The following CCDC175 variants were observed in gnomAD, a reference collection of about 807,000 sequenced individuals.
CCDC175 encodes the protein coiled-coil domain containing 175, also known as coiled-coil domain-containing protein 175.
In CCDC175, 100 loss-of-function variants were observed where a neutral mutation model predicts 114.6. The ratio of observed to expected loss-of-function variants is 0.87; its 90% CI spans 0.74 to 1.03. The LOEUF (loss-of-function observed/expected upper bound fraction) is 1.03, where lower values mean the gene tolerates loss of function less well. Ranked by LOEUF, CCDC175 falls within the 50% of genes least tolerant of loss-of-function variation. CCDC175 has a pLI of 0.00. For synonymous variants in CCDC175, 306 were observed against 308.7 expected, an observed-to-expected ratio of 0.99 and a Z score of 0.09; for missense variants, 880 against 917.8, an observed-to-expected ratio of 0.96 and a Z score of 0.53.
chr14:59,576,787 A>G lies in CCDC175; in HGVS notation c.-12T>C, dbSNP rs1309048906. ...GGGCTCAGGGCCATTTTGCCGCTCT[A>G]CTTGAGCGCCTCCTAAGCCAGAGCC... On this transcript the variant is annotated 5_prime_UTR_variant, in exon 1 of 20. Transcript: ENST00000537690. 2.8e-6 allele frequency: 4 copies of G among 1,428,174 alleles called. No individual in the cohort carries two copies. Among genetic ancestry groups the G allele is most frequent in the East Asian group, 3.0e-5 (1 of 33,578 alleles). The allele number at this position is 1,428,174 out of a possible 1,614,324, so 88.5% of individuals were successfully genotyped here.
At chr14:59,519,901 C>A (rs770325477) in intron 17 of CCDC175, among the ~76,000 whole-genome samples, 23 of 152,194 alleles carry the variant, frequency 1.5e-4, no homozygotes, top group African/African-American at 3.4e-4. Flanking sequence ...CATGGAGAGG[C>A]CATGAGGAGG....
chr14:59,574,901 T>C (rs1391190315), intron 2 of CCDC175, 42 bp downstream of exon 2: 8 of 1,046,718 alleles, frequency 7.6e-6, no homozygotes, highest in African/African-American at 1.6e-5. Context: ...TGAAGAAATA[T>C]GTGGAAGATT....
chr14:59,506,275 A>ATTTTTTTTTTTTTT (rs35322741), intron 19 of CCDC175, among the ~76,000 whole-genome samples: 4 of 136,030 alleles, frequency 2.9e-5, no homozygotes, highest in South Asian at 2.3e-4. Flanking sequence ...GAGCACAGGG[A>ATTTTTTTTTTTTTT]TTTTTTTTTT....
At chr14:59,566,265 A>G (rs1276231321) in intron 4 of CCDC175, among the ~76,000 whole-genome samples, 2 of 152,190 alleles carry the variant, frequency 1.3e-5, no homozygotes, top group African/African-American at 2.4e-5. Context: ...GATTTTGTCT[A>G]CCCAGAGGCT....
At chr14:59,538,925 A>T (rs1894582845) in intron 11 of CCDC175, 85 bp from the exon 12 acceptor site, 1 of 1,245,338 alleles carries the variant, frequency 8.0e-7, no homozygotes, top group Non-Finnish European at 1.1e-6. Flanking sequence ...AAAACAAGTC[A>T]TACTATGACT....
At chr14:59,531,666 G>T in intron 14 of CCDC175, 106 bp downstream of exon 14, 2 of 757,800 alleles carry the variant, frequency 2.6e-6, no homozygotes, top group Non-Finnish European at 4.0e-6. Flanking sequence ...GGGAAAGTTT[G>T]GTGAGTTTCA....
At chr14:59,548,231 C>A (rs549820100) in intron 8 of CCDC175, among the ~76,000 whole-genome samples, 2 of 151,684 alleles carry the variant, frequency 1.3e-5, no homozygotes, top group African/African-American at 4.8e-5. Context: ...CCCAATTATA[C>A]GCAAAATCTA....
intron 17 of CCDC175, among the ~76,000 whole-genome samples, chr14:59,521,184 T>C (rs1264275893): frequency 1.3e-5 from 2 of 152,206 alleles, no homozygotes; most frequent in Non-Finnish European, 2.9e-5. Context: ...AACCGTCTAA[T>C]CAGCTGCCAG....
chr14:59,530,678 C>T (rs1894018319), intron 14 of CCDC175, among the ~76,000 whole-genome samples: 1 of 151,988 alleles, frequency 6.6e-6, no homozygotes, highest in African/African-American at 2.4e-5. Context: ...AAAAATCCAC[C>T]CTCCTTGGCA....
chr14:59,556,882 C>A lies in CCDC175; in HGVS notation c.953+4237G>T, dbSNP rs942765867. Among the ~76,000 whole-genome samples, 26 of 152,142 alleles carry A rather than the reference C, an allele frequency of 1.7e-4. No individual in the cohort carries two copies. The South Asian group carries it at 3.1e-3, about 18-fold the overall frequency. On this transcript the variant is annotated intron_variant, in intron 7 of 19. Coordinates refer to ENST00000537690, the MANE Select transcript of CCDC175 (RefSeq NM_001164399.2). ...ATGAAAAAATGCTCATCATCACTGG[C>A]CATCAGAGAAATGCAAATCAAAACC... is the stretch of plus-strand genomic sequence containing the variant.
At position 59,551,492 on chromosome 14, in the gene CCDC175, G is replaced by C. The variant is rs140166107; in HGVS notation, c.954-56C>G. Reference sequence around the variant, plus strand: ...ATAAGAACATACTTTTGAATTCTAAGGCAAGGTGGCCAAATAGGAACAGCT... The same window carrying C: ...ATAAGAACATACTTTTGAATTCTAACGCAAGGTGGCCAAATAGGAACAGCT... On this transcript the variant is annotated intron_variant, in intron 7 of 19. Transcript: ENST00000537690. 3.7e-4 allele frequency: 323 copies of C among 874,476 alleles called. 7 individuals carry two copies. In the East Asian group the frequency reaches 8.9e-3, roughly 24 times the overall value. The allele number at this position is 874,476 out of a possible 1,614,324, so 54.2% of individuals were successfully genotyped here.
intron 6 of CCDC175, among the ~76,000 whole-genome samples, chr14:59,561,631 C>T (rs1415931795): frequency 1.3e-5 from 2 of 152,094 alleles, no homozygotes; most frequent in Non-Finnish European, 2.9e-5. Context: ...GGTCTTTTGT[C>T]TCCCTTGATA....
At chr14:59,554,621 A>T (rs1895750733) in intron 7 of CCDC175, among the ~76,000 whole-genome samples, 1 of 152,228 alleles carries the variant, frequency 6.6e-6, no homozygotes, top group African/African-American at 2.4e-5. Context: ...AGATCAGAGC[A>T]GAACTGAAGG....
At chr14:59,571,045 C>T (rs921246228) in intron 3 of CCDC175, among the ~76,000 whole-genome samples, 1 of 151,600 alleles carries the variant, frequency 6.6e-6, no homozygotes, top group African/African-American at 2.4e-5. Flanking sequence ...CTGGCCCCTT[C>T]TCTCTTTTGT....
At chr14:59,519,949 G>A (rs956913282) in intron 17 of CCDC175, among the ~76,000 whole-genome samples, 1 of 152,186 alleles carries the variant, frequency 6.6e-6, no homozygotes, top group African/African-American at 2.4e-5. Flanking sequence ...TCCAGCTGAG[G>A]GCCAGCATCA....
chr14:59,526,715 C>G (rs1893761805), intron 15 of CCDC175, among the ~76,000 whole-genome samples: 1 of 152,164 alleles, frequency 6.6e-6, no homozygotes, highest in African/African-American at 2.4e-5. Context: ...TCATCCACTC[C>G]CCCACTGCAA....
At chr14:59,531,693 G>A (rs1000846593) in intron 14 of CCDC175, 79 bp downstream of exon 14, 16 of 1,029,096 alleles carry the variant, frequency 1.6e-5, no homozygotes, top group Non-Finnish European at 2.0e-5. Flanking sequence ...GCTTGTAACT[G>A]ATGACCTCCT....
chr14:59,554,553 G>T (rs1231060795), intron 7 of CCDC175, among the ~76,000 whole-genome samples: 2 of 152,148 alleles, frequency 1.3e-5, no homozygotes. Flanking sequence ...ACAATTAAAA[G>T]AACTAGAGAA....
At chr14:59,512,332 G>A (rs1892801389) in intron 17 of CCDC175, among the ~76,000 whole-genome samples, 1 of 152,206 alleles carries the variant, frequency 6.6e-6, no homozygotes, top group South Asian at 2.1e-4. Context: ...CTGAGCAGCT[G>A]AGGCCAGTCA....
Sources: gnomAD v4.1 joint callset for allele counts (sites outside exome capture counted in the v4.1 genomes callset) on GRCh38, gnomAD v4.1.1 for gene constraint, MANE v1.5 for transcripts, NCBI Gene and HGNC (gene_info 2026-07-23, HGNC 2026-07-21) for gene names.